The following MID1 variants were observed in gnomAD, a reference collection of about 807,000 sequenced individuals.
MID1 encodes midline 1, also known as E3 ubiquitin-protein ligase Midline-1.
Under a neutral mutation model 40.4 loss-of-function variants are expected in MID1, and 7 were observed. The observed-to-expected ratio is 0.17, with a 90% CI of 0.10 to 0.33. The LOEUF (loss-of-function observed/expected upper bound fraction) is 0.33, where lower values mean the gene tolerates loss of function less well. Among genes scored for constraint, MID1 ranks in the 10% least tolerant of loss-of-function variants. The pLI, the probability that MID1 is intolerant of heterozygous loss-of-function variation, is 1.00. For missense variants in MID1, 367 were observed against 558.5 expected, an observed-to-expected ratio of 0.66 and a Z score of 3.46; for synonymous variants, 229 against 221.2, an observed-to-expected ratio of 1.04 and a Z score of -0.31.
At chrX:10,573,655 A>G (rs1934798968) in intron 1 of MID1, among the ~76,000 whole-genome samples, 1 of 112,184 alleles carries the variant, frequency 8.9e-6, no homozygotes, top group Non-Finnish European at 1.9e-5. Context: ...CCTCTGTCTA[A>G]CCACTGCTGA....
intron 1 of MID1, among the ~76,000 whole-genome samples, chrX:10,568,738 C>G (rs1265152461): frequency 2.7e-5 from 3 of 111,478 alleles, no homozygotes; most frequent in African/African-American, 9.8e-5. Flanking sequence ...TTTGTGAACT[C>G]TCATCTGCCT....
intron 1 of MID1, among the ~76,000 whole-genome samples, chrX:10,662,310 A>G (rs1249800107): frequency 9.0e-6 from 1 of 111,134 alleles, no homozygotes; most frequent in Non-Finnish European, 1.9e-5. Context: ...GTCTCAAAAC[A>G]AACAAACAAA....
At chrX:10,780,422 G>A (rs112459864) in intron 1 of MID1, among the ~76,000 whole-genome samples, 4,843 of 111,641 alleles carry the variant, frequency 0.043, 233 homozygotes, top group African/African-American at 0.15. Context: ...TCTGATGGTG[G>A]GAGGGGTGTG....
chrX:10,498,070 G>C (rs1931350060), intron 3 of MID1, among the ~76,000 whole-genome samples: 1 of 111,674 alleles, frequency 9.0e-6, no homozygotes, highest in African/African-American at 3.3e-5. Flanking sequence ...ATGACCTAAG[G>C]ATTGTTTTAT....
intron 4 of MID1, among the ~76,000 whole-genome samples, chrX:10,488,522 T>C (rs1247905205): frequency 8.9e-6 from 1 of 112,088 alleles, no homozygotes; most frequent in African/African-American, 3.2e-5. Flanking sequence ...CAGTATCTCA[T>C]TGAAATTTAT....
chrX:10,595,103 AG>A (rs1200530670), intron 1 of MID1, among the ~76,000 whole-genome samples: 4 of 111,898 alleles, frequency 3.6e-5, no homozygotes, highest in Non-Finnish European at 5.6e-5. Context: ...TCTGCAGATG[AG>A]GAAACTGAGA....
At chrX:10,461,083 A>AATATATATATATATATATAT (rs35175429) in intron 7 of MID1, among the ~76,000 whole-genome samples, 74 of 99,335 alleles carry the variant, frequency 7.4e-4, no homozygotes, top group African/African-American at 2.5e-3. Flanking sequence ...CAGTGAATTA[A>AATATATATATATATATATAT]ATATATATAT....
At chrX:10,759,598 G>A (rs1379159024) in intron 1 of MID1, among the ~76,000 whole-genome samples, 2 of 110,434 alleles carry the variant, frequency 1.8e-5, no homozygotes, top group Admixed American at 1.9e-4. Flanking sequence ...GGAGTGCCCT[G>A]ATGTTTCTTC....
intron 2 of MID1, among the ~76,000 whole-genome samples, chrX:10,555,371 G>T (rs762397532): frequency 2.3e-4 from 26 of 111,824 alleles, no homozygotes; most frequent in African/African-American, 8.4e-4. Flanking sequence ...TTGGAATTAG[G>T]CAATTTCCAG....
intron 1 of MID1, among the ~76,000 whole-genome samples, chrX:10,760,484 G>A (rs1293577537): frequency 1.8e-5 from 2 of 111,684 alleles, no homozygotes; most frequent in African/African-American, 6.5e-5. Flanking sequence ...ACATGCTTTT[G>A]CATAGGTATA....
At chrX:10,826,089 G>A (rs1014713898) in intron 1 of MID1, among the ~76,000 whole-genome samples, 1 of 111,013 alleles carries the variant, frequency 9.0e-6, no homozygotes, top group Non-Finnish European at 1.9e-5. Context: ...CAAAGCTCAT[G>A]CATTTTTCCA....
At chrX:10,494,261 T>C (rs920185312) in intron 4 of MID1, among the ~76,000 whole-genome samples, 2 of 111,992 alleles carry the variant, frequency 1.8e-5, no homozygotes, top group Non-Finnish European at 1.9e-5. Context: ...ATCTAAAACA[T>C]TGTACAATAT....
intron 1 of MID1, among the ~76,000 whole-genome samples, chrX:10,808,802 A>T (rs1015692280): frequency 1.9e-3 from 208 of 111,802 alleles, no homozygotes; most frequent in Non-Finnish European, 3.1e-3. Context: ...ACTTAAATGT[A>T]AGACCTAAAA....
upstream of MID1, among the ~76,000 whole-genome samples, chrX:10,624,595 T>C (rs1405935567): frequency 4.5e-5 from 5 of 111,844 alleles, no homozygotes; most frequent in Admixed American, 4.7e-4. Context: ...TTATTTTATT[T>C]CATTTAACTT....
intron 5 of MID1, among the ~76,000 whole-genome samples, chrX:10,482,060 TA>T (rs899169600): frequency 1.8e-5 from 2 of 110,516 alleles, no homozygotes; most frequent in South Asian, 3.9e-4. Context: ...TGTGTGATTT[TA>T]AAAAAAAATA....
At position 10,759,473 on chromosome X, in the gene MID1, T is replaced by G. The variant is rs370585251; in HGVS notation, c.-187+74081A>C. ...AAACGCTTCTGGTGATCTATGCCAG[T>G]GACGGGTGAGATAATCTTCCTTCCT... On this transcript the variant is annotated intron_variant, in intron 1 of 10. Coordinates refer to the MID1 transcript ENST00000380785. Among the ~76,000 whole-genome samples, 23 of 111,537 alleles carry G rather than the reference T, an allele frequency of 2.1e-4. No homozygotes were observed. In the South Asian group the frequency reaches 8.8e-3, roughly 43 times the overall value.
chrX:10,716,972 C>T (rs1249320905), intron 1 of MID1, among the ~76,000 whole-genome samples: 1 of 110,677 alleles, frequency 9.0e-6, no homozygotes, highest in East Asian at 2.8e-4. Flanking sequence ...AGAAATAAAA[C>T]CCTTTACAGA....
chrX:10,778,221 C>T (rs1330503808), intron 1 of MID1, among the ~76,000 whole-genome samples: 1 of 110,987 alleles, frequency 9.0e-6, no homozygotes, highest in Non-Finnish European at 1.9e-5. Context: ...TCACCCCAGA[C>T]ACGTGAGGAA....
intron 2 of MID1, among the ~76,000 whole-genome samples, chrX:10,556,317 G>A (rs949613440): frequency 1.8e-5 from 2 of 111,053 alleles, no homozygotes; most frequent in Non-Finnish European, 3.8e-5. Flanking sequence ...TGAAAGAGCC[G>A]CTCCCCTCCA....
Sources: gnomAD v4.1 joint callset for allele counts (sites outside exome capture counted in the v4.1 genomes callset) on GRCh38, gnomAD v4.1.1 for gene constraint, MANE v1.5 for transcripts, NCBI Gene and HGNC (gene_info 2026-07-23, HGNC 2026-07-21) for gene names.